Variants in FOXO3 observed in about 807,000 individuals in gnomAD.
FOXO3 encodes forkhead box protein O3.
A neutral mutation model predicts 41.9 loss-of-function variants in FOXO3; 4 were observed. The observed-to-expected ratio is 0.10, with a 90% CI of 0.05 to 0.22. The LOEUF is 0.22. Among genes scored for constraint, FOXO3 ranks in the 10% least tolerant of loss-of-function variants. The pLI, the probability that FOXO3 is intolerant of heterozygous loss-of-function variation, is 1.00. For synonymous variants in FOXO3, 318 were observed against 389.3 expected (o/e 0.82, Z 2.16); for missense variants, 534 against 906.8 (o/e 0.59, Z 5.28).
rs142414940 is a variant in FOXO3, at chr6:108,631,502, T to C, written c.622-31953T>C. Among the ~76,000 whole-genome samples, 1,352 of 152,090 alleles carry C rather than the reference T, an allele frequency of 8.9e-3. 18 individuals carry two copies. Among genetic ancestry groups the C allele is most frequent in the African/African-American group, 0.031 (1,283 of 41,498 alleles). ...TAGGAGGTGGAGGGAGGAAAAGAGG[T>C]GAGGATTTGCGTGAAGACAAGCTAG... On this transcript the variant is annotated intron_variant, in intron 1 of 2. Coordinates refer to ENST00000406360, the MANE Select transcript of FOXO3 (RefSeq NM_001455.4).
At chr6:108,671,370 G>A (rs1044609126) in intron 2 of FOXO3, among the ~76,000 whole-genome samples, 1 of 152,202 alleles carries the variant, frequency 6.6e-6, no homozygotes, top group Non-Finnish European at 1.5e-5. Context: ...CTCTGAGGGA[G>A]CTGTGGATTA....
chr6:108,663,375 A>C (rs899765934), intron 1 of FOXO3, 80 bp from the exon 2 acceptor site: 18 of 1,510,148 alleles, frequency 1.2e-5, no homozygotes, highest in Non-Finnish European at 1.5e-5. Flanking sequence ...ATGAATGAGG[A>C]GTCTGATTTA....
intron 1 of FOXO3, 126 bp downstream of exon 1, chr6:108,561,955 C>T (rs1319154213): frequency 7.3e-7 from 1 of 1,361,012 alleles, no homozygotes. Context: ...GGAGCCTCCG[C>T]TGCGAGGCTT....
intron 1 of FOXO3, among the ~76,000 whole-genome samples, chr6:108,654,064 C>T (rs1440966221): frequency 6.6e-6 from 1 of 152,162 alleles, no homozygotes; most frequent in Non-Finnish European, 1.5e-5. Flanking sequence ...TCGCTGACTG[C>T]ACGCCTTTAG....
At chr6:108,590,496 C>T (rs763763267) in intron 1 of FOXO3, among the ~76,000 whole-genome samples, 7 of 152,110 alleles carry the variant, frequency 4.6e-5, no homozygotes, top group Non-Finnish European at 8.8e-5. Flanking sequence ...TATCTTCAGG[C>T]TATGTGTATG....
At chr6:108,602,242 C>T (rs960863442) in intron 1 of FOXO3, among the ~76,000 whole-genome samples, 4 of 152,056 alleles carry the variant, frequency 2.6e-5, no homozygotes, top group Admixed American at 2.6e-4. Context: ...TTTGCTTTTT[C>T]TAGTCACTCT....
intron 1 of FOXO3, among the ~76,000 whole-genome samples, chr6:108,632,659 T>C (rs541921011): frequency 8.3e-4 from 127 of 152,278 alleles, no homozygotes; most frequent in African/African-American, 2.8e-3. Context: ...TAGAGAAAGC[T>C]GGCACTACGT....
intron 1 of FOXO3, among the ~76,000 whole-genome samples, chr6:108,568,484 G>T (rs545010726): frequency 2.6e-5 from 4 of 152,060 alleles, no homozygotes; most frequent in South Asian, 2.1e-4. Context: ...CCCACCCCAT[G>T]GCTGCTACCT....
intron 1 of FOXO3, among the ~76,000 whole-genome samples, chr6:108,571,836 G>A (rs1776106986): frequency 6.6e-6 from 1 of 152,178 alleles, no homozygotes; most frequent in Non-Finnish European, 1.5e-5. Flanking sequence ...AGGAGCCTAG[G>A]GATAGAAGAG....
chr6:108,622,606 C>T (rs1456825578), intron 1 of FOXO3, among the ~76,000 whole-genome samples: 1 of 152,062 alleles, frequency 6.6e-6, no homozygotes, highest in African/African-American at 2.4e-5. Context: ...CTTCCTCCTC[C>T]CACTCCAACT....
intron 1 of FOXO3, among the ~76,000 whole-genome samples, chr6:108,562,244 G>A (rs1319833705): frequency 6.6e-6 from 1 of 152,048 alleles, no homozygotes; most frequent in Non-Finnish European, 1.5e-5. Flanking sequence ...GGGACGCAGT[G>A]TCTGGAGGAG....
chr6:108,593,386 T>A (rs1776783030), intron 1 of FOXO3, among the ~76,000 whole-genome samples: 1 of 151,446 alleles, frequency 6.6e-6, no homozygotes, highest in Non-Finnish European at 1.5e-5. Flanking sequence ...TGTGTATTTC[T>A]TTTTTCTTTT....
intron 2 of FOXO3, among the ~76,000 whole-genome samples, chr6:108,669,364 G>A (rs1177623798): frequency 6.6e-6 from 1 of 152,190 alleles, no homozygotes; most frequent in African/African-American, 2.4e-5. Flanking sequence ...TAAAATTTAT[G>A]TTGGGGATAG....
intron 1 of FOXO3, among the ~76,000 whole-genome samples, chr6:108,605,272 C>G (rs1777165409): frequency 6.6e-6 from 1 of 152,124 alleles, no homozygotes; most frequent in Non-Finnish European, 1.5e-5. Context: ...ACGCCCACCA[C>G]CACACCTGGA....
chr6:108,647,635 T>A (rs1422729428), intron 1 of FOXO3, among the ~76,000 whole-genome samples: 1 of 152,110 alleles, frequency 6.6e-6, no homozygotes, highest in East Asian at 1.9e-4. Flanking sequence ...CAATCCAGTA[T>A]CATTTCAGAG....
chr6:108,616,715 G>A (rs1777523994), intron 1 of FOXO3, among the ~76,000 whole-genome samples: 1 of 152,198 alleles, frequency 6.6e-6, no homozygotes, highest in Non-Finnish European at 1.5e-5. Context: ...GCAACTATCT[G>A]TTGTGCAACC....
intron 1 of FOXO3, among the ~76,000 whole-genome samples, chr6:108,619,219 G>A (rs971410756): frequency 2.0e-5 from 3 of 152,308 alleles, no homozygotes; most frequent in East Asian, 1.9e-4. Flanking sequence ...CAGTGTAACC[G>A]TGGGGGCAAG....
At chr6:108,629,446 G>C (rs1334785240) in intron 1 of FOXO3, among the ~76,000 whole-genome samples, 1 of 152,122 alleles carries the variant, frequency 6.6e-6, no homozygotes, top group African/African-American at 2.4e-5. Context: ...CTGGTAGTTA[G>C]GGGTGTCAGT....
At chr6:108,621,551 G>A (rs942735112) in intron 1 of FOXO3, among the ~76,000 whole-genome samples, 1 of 150,844 alleles carries the variant, frequency 6.6e-6, no homozygotes, top group Non-Finnish European at 1.5e-5. Flanking sequence ...GTTTTTTTTT[G>A]TTTTGTTTTG....
Sources: allele counts gnomAD v4.1 joint callset (sites outside exome capture counted in the v4.1 genomes callset), GRCh38; gene constraint gnomAD v4.1.1; transcripts MANE v1.5; gene names NCBI Gene and HGNC (gene_info 2026-07-23, HGNC 2026-07-21).